The following C1orf54 variants were observed in gnomAD, a reference collection of about 807,000 sequenced individuals.
C1orf54 encodes chromosome 1 open reading frame 54.
Under a neutral mutation model 14.7 loss-of-function variants are expected in C1orf54, and 12 were observed. The ratio of observed to expected loss-of-function variants is 0.82; its 90% CI spans 0.52 to 1.32. C1orf54 has a LOEUF of 1.32. Among genes scored for constraint, C1orf54 ranks in the 40% most tolerant of loss-of-function variants. The pLI, the probability that C1orf54 is intolerant of heterozygous loss-of-function variation, is 0.00. For missense variants in C1orf54, 163 were observed against 162.2 expected, an observed-to-expected ratio of 1.00 and a Z score of -0.03; for synonymous variants, 65 against 56.3, an observed-to-expected ratio of 1.16 and a Z score of -0.70.
upstream of C1orf54, chr1:150,272,717 G>C: frequency 3.3e-6 from 4 of 1,225,276 alleles, no homozygotes; most frequent in Non-Finnish European, 4.8e-6. Flanking sequence ...AGTTGCTGCA[G>C]CTCCTTCCCT....
At chr1:150,276,221 T>G (rs1553852421) in intron 3 of C1orf54, among the ~76,000 whole-genome samples, 3 of 151,972 alleles carry the variant, frequency 2.0e-5, no homozygotes. Context: ...ATGAGTTTGA[T>G]GAGGAGAAAC....
At chr1:150,273,089 A>G (rs1553851636) in intron 1 of C1orf54, among the ~76,000 whole-genome samples, 2 of 152,204 alleles carry the variant, frequency 1.3e-5, no homozygotes, top group African/African-American at 4.8e-5. Flanking sequence ...GGAGCTCCAG[A>G]CACAAGGAGG....
chr1:150,276,383 AG>A (rs1310881022), intron 3 of C1orf54, 138 bp from the exon 4 acceptor site: 4 of 649,668 alleles, frequency 6.2e-6, no homozygotes, highest in Non-Finnish European at 1.1e-5. Context: ...ATGCAAGCAT[AG>A]GGTAGGGGGG....
chr1:150,277,684 T>C (rs1553852789), intron 4 of C1orf54, among the ~76,000 whole-genome samples: 1 of 152,098 alleles, frequency 6.6e-6, no homozygotes, highest in Non-Finnish European at 1.5e-5. Flanking sequence ...TAATTTCACA[T>C]GTGGCAACAT....
chr1:150,272,875 CCTCT>C lies in C1orf54; in HGVS notation c.46+17_46+20del. ...GCCACTTATCCTGGGTAAGTCCACTCCTCTCTCTGAGCTTTTGTGCCAGGTCTTC... is the reference window on the plus strand; with the variant it reads ...GCCACTTATCCTGGGTAAGTCCACTCCTCTGAGCTTTTGTGCCAGGTCTTC... On this transcript the variant is annotated intron_variant, in intron 1 of 5. Coordinates refer to ENST00000369099, the MANE Select transcript of C1orf54 (RefSeq NM_024579.4). 2 of 1,614,014 alleles carry C rather than the reference CCTCT, an allele frequency of 1.2e-6. No individual in the cohort carries two copies. The highest frequency in any genetic ancestry group is 1.7e-6 in the Non-Finnish European group (2 of 1,179,928).
chr1:150,270,812 C>G (rs1023018606), upstream of C1orf54, among the ~76,000 whole-genome samples: 3 of 150,314 alleles, frequency 2.0e-5, no homozygotes, highest in Non-Finnish European at 4.4e-5. Flanking sequence ...CTGGCTAACA[C>G]GATGAAACCC....
chr1:150,275,685 C>T (rs1652591061), intron 2 of C1orf54, 56 bp from the exon 3 acceptor site: 1 of 1,395,634 alleles, frequency 7.2e-7, no homozygotes, highest in East Asian at 2.3e-5. Flanking sequence ...TTTTCATTTC[C>T]AGATCTAGAG....
chr1:150,275,510 A>C (rs1161356649), intron 2 of C1orf54, among the ~76,000 whole-genome samples: 1 of 152,076 alleles, frequency 6.6e-6, no homozygotes, highest in Non-Finnish European at 1.5e-5. Context: ...CTCTAAAAAA[A>C]GAAGAACTTG....
Position 150,279,702 on chromosome 1 carries a change from G to C in C1orf54, c.360G>C (p.Ser120=), listed in dbSNP as rs201080106. 6.2e-7 allele frequency: 1 copy of C among 1,613,118 alleles called. No homozygotes were observed. The highest frequency in any genetic ancestry group is 8.5e-7 in the Non-Finnish European group (1 of 1,179,596). ...GAAGTCCTATTCCCCTCCTCCTGTC[G>C]TGTGCCTTTGTTCAGGTGGGGATGT... ...SLRSPIPLLL[S]CAFVQVGMYF... The change falls in exon 5 of 6, where the codon TCG becomes TCC. Residue 120 remains serine (S), a synonymous_variant. Transcript: ENST00000369099.
At chr1:150,272,744 G>A (rs1560040463), upstream of C1orf54, 5 of 1,496,530 alleles carry the variant, frequency 3.3e-6, no homozygotes, top group Non-Finnish European at 4.7e-6. Context: ...GAGGAGGAGG[G>A]GAGGCGGGGT....
chr1:150,278,172 G>A (rs976323521), intron 4 of C1orf54, among the ~76,000 whole-genome samples: 14 of 152,214 alleles, frequency 9.2e-5, no homozygotes, highest in Non-Finnish European at 2.1e-4. Flanking sequence ...CAACTCATGA[G>A]ATTTGCGTTG....
intron 3 of C1orf54, 67 bp from the exon 4 acceptor site, chr1:150,276,455 A>G: frequency 7.6e-7 from 1 of 1,312,580 alleles, no homozygotes; most frequent in Admixed American, 1.7e-5. Flanking sequence ...CTTTAAGTAG[A>G]GAATCTATGA....
chr1:150,279,842 T>C, intron 5 of C1orf54, 101 bp downstream of exon 5: 1 of 1,009,714 alleles, frequency 9.9e-7, no homozygotes, highest in African/African-American at 1.6e-5. Flanking sequence ...CTAGTTAGTG[T>C]TTCCAGCCTG....
chr1:150,276,562 C>A lies in C1orf54; in HGVS notation c.230C>A (p.Thr77Asn). ...GACATAACAGAAGCAATAGAGACTA[C>A]CATTAGTCTTGAAACAGCACGTGCA... Reference protein sequence around the residue: ...DKDITEAIETTISLETARADH... With the variant: ...DKDITEAIETNISLETARADH... Residue 77 changes from threonine to asparagine, a missense_variant, in exon 4 of 6, where the codon ACC (threonine) becomes AAC (asparagine). Physicochemically the swap from Thr to Asn is moderately conservative, Grantham distance 65. Transcript: ENST00000369099. 6.2e-7 allele frequency: 1 copy of A among 1,614,010 alleles called. No individual in the cohort carries two copies. Among genetic ancestry groups the A allele is most frequent in the South Asian group, 1.1e-5 (1 of 91,076 alleles).
chr1:150,279,385 CTAGTA>C (rs1553853043), intron 4 of C1orf54, among the ~76,000 whole-genome samples: 3 of 152,046 alleles, frequency 2.0e-5, no homozygotes, highest in Non-Finnish European at 4.4e-5. Flanking sequence ...AGCACAGTGA[CTAGTA>C]TAGTATAATG....
chr1:150,280,789 G>A, intron 5 of C1orf54, 46 bp from the exon 6 acceptor site: 5 of 1,487,792 alleles, frequency 3.4e-6, no homozygotes, highest in Non-Finnish European at 2.7e-6. Context: ...GGGGTTTCTC[G>A]GGTCTCCTGA....
intron 4 of C1orf54, among the ~76,000 whole-genome samples, chr1:150,277,759 C>T (rs868910360): frequency 2.6e-5 from 4 of 152,004 alleles, no homozygotes; most frequent in Non-Finnish European, 2.9e-5. Context: ...AACAAGGAGC[C>T]TAGTAAGTTC....
chr1:150,278,716 A>C (rs1652864882), intron 4 of C1orf54, among the ~76,000 whole-genome samples: 1 of 152,220 alleles, frequency 6.6e-6, no homozygotes, highest in Admixed American at 6.5e-5. Context: ...GGAGGAGGTC[A>C]CTTGTAACTC....
upstream of C1orf54, chr1:150,268,913 A>C: frequency 2.0e-6 from 2 of 998,152 alleles, no homozygotes; most frequent in Non-Finnish European, 3.0e-6. Flanking sequence ...CGACCCCACG[A>C]GGGGCGCGGT....
Sources: gnomAD v4.1 joint callset for allele counts (sites outside exome capture counted in the v4.1 genomes callset) on GRCh38, gnomAD v4.1.1 for gene constraint, MANE v1.5 for transcripts, NCBI Gene and HGNC (gene_info 2026-07-23, HGNC 2026-07-21) for gene names.